The following MAP3K13 variants were observed in gnomAD, a reference collection of about 807,000 sequenced individuals.
MAP3K13 encodes leucine zipper-bearing kinase.
A neutral mutation model predicts 104.0 loss-of-function variants in MAP3K13; 52 were observed. The observed-to-expected ratio is 0.50, with a 90% CI of 0.40 to 0.63. The LOEUF is 0.63. Among genes scored for constraint, MAP3K13 ranks in the 20% least tolerant of loss-of-function variants. The probability of loss-of-function intolerance (pLI) is 0.00; values close to 1 mark genes in which losing one functional copy is unlikely to be tolerated. For missense variants in MAP3K13, 914 were observed against 1,218.5 expected (o/e 0.75, Z 3.72); for synonymous variants, 394 against 442.2 (o/e 0.89, Z 1.37).
Position 185,301,115 on chromosome 3 carries a change from TTTTA to T in MAP3K13, c.-86+15488_-86+15491del, listed in dbSNP as rs199804553. ...CTACATCCTTACCAACACTTATTATTTTTATTTATTTATTTATTTTTAATTAATT... is the reference window on the plus strand; with the variant it reads ...CTACATCCTTACCAACACTTATTATTTTTATTTATTTATTTTTAATTAATT... On this transcript the variant is annotated intron_variant, in intron 2 of 14. Coordinates refer to the MAP3K13 transcript ENST00000424227. Among the ~76,000 whole-genome samples, 805 of 151,928 alleles carry T rather than the reference TTTTA, an allele frequency of 5.3e-3. 12 individuals carry two copies. The highest frequency in any genetic ancestry group is 0.019 in the African/African-American group (776 of 41,492).
At chr3:185,471,306 C>CTTTTTT (rs748807847) in intron 10 of MAP3K13, among the ~76,000 whole-genome samples, 9 of 83,420 alleles carry the variant, frequency 1.1e-4, no homozygotes, top group East Asian at 2.9e-4. Context: ...ATGACCTTTG[C>CTTTTTT]TTTTTTTTTT....
chr3:185,292,089 A>G (rs758646850), intron 2 of MAP3K13: 31 of 713,218 alleles, frequency 4.3e-5, no homozygotes, highest in Non-Finnish European at 5.3e-5. Flanking sequence ...TGGATGCCCC[A>G]AGGTCAGGCA....
intron 10 of MAP3K13, among the ~76,000 whole-genome samples, chr3:185,469,467 T>C (rs1362794182): frequency 1.3e-5 from 2 of 152,158 alleles, no homozygotes; most frequent in Non-Finnish European, 2.9e-5. Context: ...ATTGTAATAG[T>C]AGGAACAAAG....
chr3:185,353,603 A>G (rs1206790015), intron 2 of MAP3K13, among the ~76,000 whole-genome samples: 1 of 152,226 alleles, frequency 6.6e-6, no homozygotes, highest in Admixed American at 6.5e-5. Context: ...GTATGACTCT[A>G]CATAGTATGG....
rs867057918 is a variant in MAP3K13 at position 185,295,707 on chromosome 3, T to G, written c.-86+10064T>G. On this transcript the variant is annotated intron_variant, in intron 2 of 14. Coordinates refer to the MAP3K13 transcript ENST00000424227. ...ATAAATCACCCATTTTTTTCTCACA[T>G]CTAGCATAGTTGTAATTATTTCTCA... Among the ~76,000 whole-genome samples, 3 of 152,060 alleles carry G rather than the reference T, an allele frequency of 2.0e-5. No individual in the cohort carries two copies. In the South Asian group the frequency reaches 6.2e-4, roughly 31 times the overall value.
intron 8 of MAP3K13, among the ~76,000 whole-genome samples, chr3:185,465,073 C>A (rs1299756920): frequency 6.6e-6 from 1 of 152,186 alleles, no homozygotes; most frequent in African/African-American, 2.4e-5. Context: ...CCTCCACCTC[C>A]CAGGTTTAAG....
chr3:185,455,543 A>ATATATATGACATATATAT (rs1491361772), intron 7 of MAP3K13, among the ~76,000 whole-genome samples: 6,223 of 7,436 alleles, frequency 0.84, 2,860 homozygotes, highest in Non-Finnish European at 0.89. Context: ...GATATATATG[A>ATATATATGACATATATAT]CATATATATG....
upstream of MAP3K13, among the ~76,000 whole-genome samples, chr3:185,361,996 GT>G (rs1723647483): frequency 6.6e-6 from 1 of 152,178 alleles, no homozygotes; most frequent in Admixed American, 6.5e-5. Context: ...TAGTGGTCAG[GT>G]TTAGACCCTC....
At chr3:185,412,976 T>C (rs1713535554) in intron 1 of MAP3K13, among the ~76,000 whole-genome samples, 2 of 152,228 alleles carry the variant, frequency 1.3e-5, no homozygotes, top group South Asian at 4.1e-4. Flanking sequence ...ATGGTAGCAG[T>C]AATCTAATTT....
chr3:185,374,637 A>C (rs1054336122), intron 1 of MAP3K13, among the ~76,000 whole-genome samples: 1 of 152,098 alleles, frequency 6.6e-6, no homozygotes, highest in African/African-American at 2.4e-5. Flanking sequence ...GGTTAGCGTA[A>C]TTACTTACTT....
Position 185,326,908 on chromosome 3 carries a change from T to A in MAP3K13, c.-86+41265T>A, listed in dbSNP as rs931163691. ...ACTTTTTTTCTGCATCAGTTTTCATTTGCGTATTCTGTTCAGTCTTGAGTA... is the reference window on the plus strand; with the variant it reads ...ACTTTTTTTCTGCATCAGTTTTCATATGCGTATTCTGTTCAGTCTTGAGTA... On this transcript the variant is annotated intron_variant, in intron 2 of 14. Coordinates refer to the MAP3K13 transcript ENST00000424227. 9.2e-5 allele frequency among the ~76,000 whole-genome samples: 14 copies of A among 152,352 alleles called. 2 individuals are homozygous for A. In the South Asian group the frequency reaches 1.9e-3, roughly 20 times the overall value.
intron 2 of MAP3K13, among the ~76,000 whole-genome samples, chr3:185,289,287 T>C (rs1291891323): frequency 6.6e-6 from 1 of 152,182 alleles, no homozygotes; most frequent in Non-Finnish European, 1.5e-5. Flanking sequence ...GAATTTTTCA[T>C]TGTATGGGAG....
intron 2 of MAP3K13, among the ~76,000 whole-genome samples, chr3:185,333,097 G>A (rs886700128): frequency 1.3e-5 from 2 of 151,980 alleles, no homozygotes; most frequent in Non-Finnish European, 2.9e-5. Context: ...CATATTCTTT[G>A]CCAGTAATGG....
Position 185,416,787 on chromosome 3 carries a change from A to ATT in MAP3K13, c.-85-11695_-85-11694dup, listed in dbSNP as rs63345160. 2.3e-3 allele frequency among the ~76,000 whole-genome samples: 310 copies of ATT among 136,338 alleles called. 1 individual carries two copies. Among genetic ancestry groups the ATT allele is most frequent in the East Asian group, 3.4e-3 (16 of 4,710 alleles). The allele number at this position is 136,338 out of a possible 152,430, so 89.4% of individuals were successfully genotyped here. On this transcript the variant is annotated intron_variant, in intron 1 of 13. Coordinates refer to ENST00000265026, the MANE Select transcript of MAP3K13 (RefSeq NM_004721.5). Reference sequence around the variant, plus strand: ...CAGGCACATGCCACCATGCCCAGCTATTTTTTTTTTTTTTTTGTAGTAACA... The same window carrying ATT: ...CAGGCACATGCCACCATGCCCAGCTATTTTTTTTTTTTTTTTTTGTAGTAACA...
chr3:185,308,252 T>C (rs1721373359), intron 2 of MAP3K13, among the ~76,000 whole-genome samples: 1 of 152,090 alleles, frequency 6.6e-6, no homozygotes, highest in African/African-American at 2.4e-5. Flanking sequence ...ACTGTGCCTG[T>C]AATTTCCCAA....
chr3:185,452,474 C>A (rs181887290), intron 7 of MAP3K13, among the ~76,000 whole-genome samples: 1 of 152,110 alleles, frequency 6.6e-6, no homozygotes, highest in African/African-American at 2.4e-5. Context: ...TGGGCTCAAG[C>A]GATCTCCCTG....
intron 2 of MAP3K13, among the ~76,000 whole-genome samples, chr3:185,348,778 G>T (rs550521838): frequency 1.3e-5 from 2 of 152,140 alleles, no homozygotes; most frequent in Non-Finnish European, 2.9e-5. Flanking sequence ...TTAGCTGGGC[G>T]TGGTGGCGGG....
rs1324456312 is a variant in MAP3K13, at chr3:185,450,911, A to C, written c.1170-376A>C. Among the ~76,000 whole-genome samples the C allele has an allele frequency of 6.6e-6, 1 of 152,186 alleles. No individual in the cohort carries two copies. The highest frequency in any genetic ancestry group is 1.5e-5 in the Non-Finnish European group (1 of 68,020). ...GAGACCATCCTGGTTAACACGATGA[A>C]ACCCCGTCTCTACTAAAAATACAAA... On this transcript the variant is annotated intron_variant, in intron 6 of 13. Transcript: ENST00000265026. This position sits in a 1 kb window ranked among gnomAD's most constrained non-coding sequence, Gnocchi z 4.2.
At chr3:185,296,642 A>G (rs9818538) in intron 2 of MAP3K13, among the ~76,000 whole-genome samples, 120,149 of 152,034 alleles carry the variant, frequency 0.79, 47,812 homozygotes, top group Middle Eastern at 0.84. Flanking sequence ...TCTGATTGGC[A>G]TTCTCTTCAT....
Sources: gnomAD v4.1 joint callset for allele counts (sites outside exome capture counted in the v4.1 genomes callset) on GRCh38, gnomAD v4.1.1 for gene constraint, Gnocchi (gnomAD v3.1) non-coding constraint, MANE v1.5 for transcripts, NCBI Gene and HGNC (gene_info 2026-07-23, HGNC 2026-07-21) for gene names.